Variants in SIK3 observed in about 807,000 individuals in gnomAD.
SIK3 encodes SIK family kinase 3.
SIK3 carries 28 observed loss-of-function variants against 144.2 expected under a neutral mutation model. The observed-to-expected ratio is 0.19, with a 90% confidence interval of 0.14 to 0.27. The LOEUF is 0.27. SIK3 is among the 10% of genes least tolerant of loss of function. The pLI is 1.00. For missense variants in SIK3, 1,319 were observed against 1,776.0 expected (o/e 0.74, Z 4.62); for synonymous variants, 686 against 676.3 (o/e 1.01, Z -0.22).
intron 4 of SIK3, among the ~76,000 whole-genome samples, 162 bp downstream of exon 4, chr11:116,927,051 GTACTTT>G (rs1457227034): frequency 6.7e-6 from 1 of 149,202 alleles, no homozygotes; most frequent in Non-Finnish European, 1.5e-5. Flanking sequence ...GGGAGGGGAA[GTACTTT>G]TAAAGTTTAT....
intron 1 of SIK3, among the ~76,000 whole-genome samples, chr11:117,031,832 G>C (rs567600288): frequency 6.6e-6 from 1 of 151,050 alleles, no homozygotes; most frequent in Admixed American, 6.6e-5. Flanking sequence ...GTGAGCCACC[G>C]CACCAGGCCA....
chr11:116,929,673 A>C (rs1194099454), intron 3 of SIK3, among the ~76,000 whole-genome samples: 1 of 152,238 alleles, frequency 6.6e-6, no homozygotes, highest in African/African-American at 2.4e-5. Flanking sequence ...TCTAAATACA[A>C]GTAAACTCTG....
chr11:117,051,689 C>T (rs1326361977), intron 1 of SIK3, among the ~76,000 whole-genome samples: 3 of 151,792 alleles, frequency 2.0e-5, no homozygotes, highest in South Asian at 2.1e-4. Flanking sequence ...CCACCATGCC[C>T]GGCTAATTTT....
Position 116,859,622 on chromosome 11 carries a change from TCA to T in SIK3, c.2426-20_2426-19del, listed in dbSNP as rs1943198043. 4.4e-6 allele frequency: 7 copies of T among 1,606,328 alleles called. No homozygotes were observed. In the East Asian group the frequency reaches 1.6e-4, roughly 36 times the overall value. Reference sequence around the variant, plus strand: ...TGCAGCCCCTGGAGAGAAAGGAACCTCAGAGTGACCAAGTGCCCAGGCCACCA... The same window carrying T: ...TGCAGCCCCTGGAGAGAAAGGAACCTGAGTGACCAAGTGCCCAGGCCACCA... On this transcript the variant is annotated intron_variant, in intron 19 of 24. Transcript: ENST00000445177.
At chr11:116,975,185 T>TAA (rs200177039) in intron 1 of SIK3, among the ~76,000 whole-genome samples, 3 of 148,118 alleles carry the variant, frequency 2.0e-5, no homozygotes, top group East Asian at 3.9e-4. Flanking sequence ...TCTAGTTATT[T>TAA]AAAAAAAAAA....
At chr11:116,996,542 G>A (rs941302713) in intron 1 of SIK3, among the ~76,000 whole-genome samples, 3 of 151,984 alleles carry the variant, frequency 2.0e-5, no homozygotes, top group South Asian at 2.1e-4. Flanking sequence ...TTCTCAGGCC[G>A]GGCACGGTGG....
At position 117,035,867 on chromosome 11, in the gene SIK3, A is replaced by G. The variant is rs1591583266; in HGVS notation, c.273+62276T>C. 7 of 1,595,364 alleles carry G rather than the reference A, an allele frequency of 4.4e-6. No individual in the cohort carries two copies. In the East Asian group the frequency reaches 1.6e-4, roughly 36 times the overall value. ...TTTTCCTCCTGTAGGCTGGCAGAGG[A>G]CAGTGGAGCAGCCAACACACAAAAC... On this transcript the variant is annotated intron_variant, in intron 1 of 24. Coordinates refer to ENST00000445177, the MANE Select transcript of SIK3 (RefSeq NM_001366686.3).
chr11:117,071,963 G>A (rs145566516), intron 1 of SIK3, among the ~76,000 whole-genome samples: 1 of 151,332 alleles, frequency 6.6e-6, no homozygotes, highest in African/African-American at 2.4e-5. Flanking sequence ...ATTAAATGTG[G>A]CAATATAATG....
chr11:116,901,000 G>T (rs1945709388), intron 4 of SIK3, among the ~76,000 whole-genome samples: 1 of 152,032 alleles, frequency 6.6e-6, no homozygotes. Context: ...AGGTAGCTGG[G>T]ATTACAGGCA....
At chr11:117,017,377 T>C (rs1951582643) in intron 1 of SIK3, among the ~76,000 whole-genome samples, 1 of 152,250 alleles carries the variant, frequency 6.6e-6, no homozygotes, top group African/African-American at 2.4e-5. Context: ...TTTCTTGATC[T>C]GTGTGTTGTA....
At chr11:116,863,944 A>ACTTT in intron 15 of SIK3, 126 bp from the exon 16 acceptor site, 1 of 938,448 alleles carries the variant, frequency 1.1e-6, no homozygotes, top group African/African-American at 1.7e-5. Context: ...ATATTATGCC[A>ACTTT]CTTTCATGCC....
chr11:117,018,576 C>A (rs1951630172), intron 1 of SIK3, among the ~76,000 whole-genome samples: 1 of 152,060 alleles, frequency 6.6e-6, no homozygotes, highest in Non-Finnish European at 1.5e-5. Flanking sequence ...CCAAACCAGC[C>A]TAATTAACTG....
At chr11:116,928,458 TGAGGGA>T (rs1299021583) in intron 3 of SIK3, among the ~76,000 whole-genome samples, 27 of 152,232 alleles carry the variant, frequency 1.8e-4, no homozygotes, top group Admixed American at 1.6e-3. Flanking sequence ...AAGTGAAAAA[TGAGGGA>T]ATATAGATAA....
chr11:117,087,212 G>A (rs114771115), intron 1 of SIK3, among the ~76,000 whole-genome samples: 4,361 of 151,992 alleles, frequency 0.029, 186 homozygotes, highest in African/African-American at 0.1. Context: ...GGCTGGGGGC[G>A]GGGGGTGGAT....
At chr11:116,979,178 CT>C (rs773919911) in intron 1 of SIK3, among the ~76,000 whole-genome samples, 1 of 152,202 alleles carries the variant, frequency 6.6e-6, no homozygotes, top group Non-Finnish European at 1.5e-5. Context: ...TAATTTTTCC[CT>C]GTTTGGTGGG....
Position 116,876,300 on chromosome 11 carries a change from G to C in SIK3, c.1048C>G (p.Leu350Val), listed in dbSNP as rs1176603409. ...RQVDPLNEDV[L>V]LAMEDMGLDK... ...AGTCCCATGTCCTCCATGGCCAAGA[G>C]GACATCCTCATTCAGGGGGTCCACC... Residue 350 changes from leucine to valine, a missense_variant, in exon 8 of 25, where the codon CTC becomes GTC. Leu to Val is a conservative substitution (Grantham distance 32). Coordinates refer to ENST00000445177, the MANE Select transcript of SIK3 (RefSeq NM_001366686.3). The C allele has an allele frequency of 6.2e-7, 1 of 1,614,242 alleles. No homozygotes were observed.
At chr11:116,969,617 C>T (rs888174791) in intron 1 of SIK3, among the ~76,000 whole-genome samples, 7 of 152,002 alleles carry the variant, frequency 4.6e-5, no homozygotes, top group South Asian at 2.1e-4. Flanking sequence ...AAAATCCCTT[C>T]AATGAATCAA....
At chr11:116,998,286 A>G (rs1182326014) in intron 1 of SIK3, among the ~76,000 whole-genome samples, 3 of 152,068 alleles carry the variant, frequency 2.0e-5, no homozygotes, top group Non-Finnish European at 4.4e-5. Context: ...CCTGACTAAC[A>G]TGGTGAAACC....
chr11:117,013,942 G>T (rs1167423039), intron 1 of SIK3, among the ~76,000 whole-genome samples: 2 of 71,142 alleles, frequency 2.8e-5, no homozygotes, highest in Non-Finnish European at 7.8e-5. Context: ...GTGTGTGTGT[G>T]TGTGTGTGTT....
Sources: allele counts gnomAD v4.1 joint callset (sites outside exome capture counted in the v4.1 genomes callset), GRCh38; gene constraint gnomAD v4.1.1; transcripts MANE v1.5; gene names NCBI Gene and HGNC (gene_info 2026-07-23, HGNC 2026-07-21).